Variants in ANO9 observed in about 807,000 individuals in gnomAD.
ANO9 encodes the protein anoctamin 9.
In ANO9, 80 loss-of-function variants were observed where a neutral mutation model predicts 100.5. That is an observed-to-expected ratio of 0.80 (90% confidence interval 0.66 to 0.96). ANO9 has a LOEUF of 0.96. Ranked by LOEUF, ANO9 falls within the 40% of genes least tolerant of loss-of-function variation. The pLI is 0.00. For synonymous variants in ANO9, 473 were observed against 435.6 expected, an observed-to-expected ratio of 1.09 and a Z score of -1.07; for missense variants, 1,064 against 1,072.7, an observed-to-expected ratio of 0.99 and a Z score of 0.11.
rs757626143 is a variant in ANO9, at chr11:418,489, C to T, written c.2231G>A (p.Arg744His). Reference sequence around the variant, plus strand: ...CTGCCTTCCATGCCACATCTTCTCACGCAGCCTCTGGTACTTCACCTCCAG... The same window carrying T: ...CTGCCTTCCATGCCACATCTTCTCATGCAGCCTCTGGTACTTCACCTCCAG... ...KVLEVKYQRLREKMWHGRQRL... is the reference protein window; with the variant it reads ...KVLEVKYQRLHEKMWHGRQRL... The change falls in exon 23 of 23, where the codon CGT (arginine) becomes CAT (histidine). Residue 744 changes from arginine (R) to histidine (H), a missense_variant. Transcript: ENST00000332826. 27 of 1,613,030 alleles carry T rather than the reference C, an allele frequency of 1.7e-5. No individual in the cohort carries two copies. Among genetic ancestry groups the T allele is most frequent in the African/African-American group, 2.7e-5 (2 of 74,928 alleles).
intron 1 of ANO9, among the ~76,000 whole-genome samples, chr11:434,604 C>T (rs945907981): frequency 1.3e-5 from 2 of 152,154 alleles, no homozygotes; most frequent in South Asian, 2.1e-4. Context: ...GAGGTGCAGA[C>T]GAGGGCACTC....
Position 434,694 on chromosome 11 carries a change from G to T in ANO9, c.7-596C>A, listed in dbSNP as rs1027914124. 3.3e-5 allele frequency among the ~76,000 whole-genome samples: 5 copies of T among 152,206 alleles called. No homozygotes were observed. The East Asian group carries it at 5.8e-4, about 18-fold the overall frequency. On this transcript the variant is annotated intron_variant, in intron 1 of 22. Coordinates refer to ENST00000332826, the MANE Select transcript of ANO9 (RefSeq NM_001012302.3). Reference sequence around the variant, plus strand: ...CATCATGCCGCCCCCTCACAGGGAGGATCCTGCAGCAGGCAAGGTGAGTGC... The same window carrying T: ...CATCATGCCGCCCCCTCACAGGGAGTATCCTGCAGCAGGCAAGGTGAGTGC...
In ANO9 at chr11:428,479, G is replaced by A; in HGVS notation, c.1181C>T (p.Thr394Ile). ...LVHYVTIIIM[T>I]KINRCVALKL... ...CTGCCCTGCTCCCGGCCCCACCTTG[G>A]TCATGATGATGATGGTCACATAGTG... Residue 394 changes from threonine to isoleucine, a missense_variant, in exon 13 of 23, where the codon ACC (threonine) becomes ATC (isoleucine). Thr to Ile is a moderately conservative substitution (Grantham distance 89, BLOSUM62 -1). Transcript: ENST00000332826. The A allele has an allele frequency of 6.2e-7, 1 of 1,612,478 alleles. No individual in the cohort carries two copies. The highest frequency in any genetic ancestry group is 8.5e-7 in the Non-Finnish European group (1 of 1,179,794).
chr11:433,356 TG>T lies in ANO9; in HGVS notation c.307del (p.His103ThrfsTer21), dbSNP rs766224216. ...GGTGGTCGGCGCGGCCAGCTCGGCG[TG>T]GGGGGCAGGCCCCTCAGGCTCCAGG... is the stretch of plus-strand genomic sequence containing the variant. ...LLLEPEGPAP[H>X]AELAAPTTIP... is the part of the protein sequence containing the mutation. On this transcript the variant is annotated frameshift_variant, in exon 4 of 23. Transcript: ENST00000332826. LOFTEE classifies it high-confidence loss of function. 1.6e-3 allele frequency: 2,592 copies of T among 1,612,912 alleles called. 6 individuals are homozygous for T. Among genetic ancestry groups the T allele is most frequent in the Non-Finnish European group, 2.0e-3 (2,313 of 1,179,802 alleles).
rs148462393 is a variant in ANO9 at position 421,370 on chromosome 11, GCA to G, written c.1335-174_1335-173del. The G allele has an allele frequency of 0.13, 54,727 of 433,974 alleles. 2 individuals carry two copies. Among genetic ancestry groups the G allele is most frequent in the East Asian group, 0.19 (4,121 of 21,782 alleles). 26.9% of individuals were successfully genotyped at this position (433,974 alleles called of 1,614,324 possible). A position where few individuals can be genotyped will look rare whatever the true frequency, so the allele number is the denominator to read the frequency against. ...ATGAACCGCACCCGCACGTGGGCAC[GCA>G]CACACACACACACACACACAGGGGA... On this transcript the variant is annotated intron_variant, in intron 15 of 22. Coordinates refer to ENST00000332826, the MANE Select transcript of ANO9 (RefSeq NM_001012302.3). This position sits in a 1 kb window ranked among gnomAD's most constrained non-coding sequence, Gnocchi z 6.8.
rs1847953836 is a variant in ANO9, at chr11:418,084, T to G, written c.*287A>C. ...GGGAGGCCCAGGAAATTTGCGCCAG[T>G]TTTCCTGCCTTGTGGCTGCCTGAGG... On this transcript the variant is annotated 3_prime_UTR_variant, in exon 23 of 23. Coordinates refer to ENST00000332826, the MANE Select transcript of ANO9 (RefSeq NM_001012302.3). 2 of 392,790 alleles carry G rather than the reference T, an allele frequency of 5.1e-6. 1 individual carries two copies. The highest frequency in any genetic ancestry group is 1.4e-3 in the Middle Eastern group (2 of 1,474). 24.3% of individuals were successfully genotyped at this position (392,790 alleles called of 1,614,324 possible).
chr11:428,749 G>C lies in ANO9; in HGVS notation c.993C>G (p.Thr331=), dbSNP rs114920213. The C allele has an allele frequency of 8.1e-6, 13 of 1,613,374 alleles. No individual in the cohort carries two copies. The South Asian group carries it at 1.1e-4, about 14-fold the overall frequency. The change falls in exon 12 of 23, where the codon ACC becomes ACG. Residue 331 remains threonine (T), a synonymous_variant. Transcript: ENST00000332826. ...RPYQHSYLRS[T]VILVLTLLMI... ...TGAGCAGGGTCAGGACGAGGATGAC[G>C]GTGCTGCGTAGGTAGGAGTGCTGGT...
intron 19 of ANO9, 31 bp downstream of exon 19, chr11:420,432 T>G: frequency 6.3e-7 from 1 of 1,595,204 alleles, no homozygotes; most frequent in Non-Finnish European, 8.5e-7. Context: ...GCCGCCCAGT[T>G]CCCGCCCATC....
chr11:427,059 C>T lies in ANO9; in HGVS notation c.1334+1029G>A, dbSNP rs183857855. ...AGGAGAGACGTGGCCCACAGCAAGC[C>T]ATGGTGCACGCCTTTCCCAAGACGG... On this transcript the variant is annotated intron_variant, in intron 15 of 22. Coordinates refer to ENST00000332826, the MANE Select transcript of ANO9 (RefSeq NM_001012302.3). 3.2e-4 allele frequency among the ~76,000 whole-genome samples: 48 copies of T among 152,348 alleles called. No homozygotes were observed. The East Asian group carries it at 6.4e-3, about 20-fold the overall frequency.
rs770497733 is a variant in ANO9, at chr11:428,358, C to T, written c.1222G>A (p.Glu408Lys). The T allele has an allele frequency of 3.2e-5, 52 of 1,612,404 alleles. No individual in the cohort carries two copies. Among genetic ancestry groups the T allele is most frequent in the South Asian group, 1.3e-4 (12 of 91,070 alleles). Residue 408 changes from glutamate to lysine, a missense_variant and splice_region_variant, in exon 14 of 23, where the codon GAG becomes AAG. Coordinates refer to ENST00000332826, the MANE Select transcript of ANO9 (RefSeq NM_001012302.3). ...RCVALKLCDF[E>K]MPRTFSERES... ...AGAGGGTCTGGGGTAGTCCTCTCACCGAAGTCACAAAGCTTCAGGGCCACG... is the reference window on the plus strand; with the variant it reads ...AGAGGGTCTGGGGTAGTCCTCTCACTGAAGTCACAAAGCTTCAGGGCCACG...
rs934419833 is a variant in ANO9, at chr11:421,739, A to G, written c.1335-541T>C. ...AGTGGCCTCGGTTTCTCCCCGTGGA[A>G]ACGGCACGATGGGTTATTTTGTGTT... is the stretch of plus-strand genomic sequence containing the variant. On this transcript the variant is annotated intron_variant, in intron 15 of 22. Transcript: ENST00000332826. This position sits in a 1 kb window ranked among gnomAD's most constrained non-coding sequence, Gnocchi z 6.8. Among the ~76,000 whole-genome samples the G allele has an allele frequency of 1.3e-5, 2 of 152,226 alleles. No individual in the cohort carries two copies. Among genetic ancestry groups the G allele is most frequent in the Admixed American group, 6.5e-5 (1 of 15,286 alleles).
chr11:428,324 G>A (rs1190565994), intron 14 of ANO9, 34 bp downstream of exon 14: 1 of 1,611,898 alleles, frequency 6.2e-7, no homozygotes, highest in African/African-American at 1.3e-5. Context: ...CCTCCCGCCG[G>A]GTCCCCCAAG....
At chr11:433,158 C>T (rs939690077) in intron 4 of ANO9, 156 bp downstream of exon 4, 134 of 975,798 alleles carry the variant, frequency 1.4e-4, no homozygotes, top group Non-Finnish European at 1.9e-4. Flanking sequence ...GCTCACACAG[C>T]CAGTGGGTCT....
chr11:418,923 A>G lies in ANO9; in HGVS notation c.2001T>C (p.Asp667=), dbSNP rs764356229. The G allele has an allele frequency of 7.4e-6, 12 of 1,613,476 alleles. No homozygotes were observed. Among genetic ancestry groups the G allele is most frequent in the Non-Finnish European group, 1.0e-5 (12 of 1,179,980 alleles). ...TCACGTTTTCTGAGCCCTCAATCCC[A>G]TCAGGGTCCTGGAAGTCCTTGGTGT... ...VFHTKDFQDP[D]GIEGSENVTL... is the part of the protein sequence containing the mutation. The change falls in exon 21 of 23, where the codon GAT becomes GAC. Residue 667 remains aspartate, a synonymous_variant. Transcript: ENST00000332826.
Position 433,474 on chromosome 11 carries a change from G to T in ANO9, c.205-15C>A, listed in dbSNP as rs1286929056. The T allele has an allele frequency of 3.1e-6, 5 of 1,610,508 alleles. No homozygotes were observed. Among genetic ancestry groups the T allele is most frequent in the Admixed American group, 1.7e-5 (1 of 59,868 alleles). Reference sequence around the variant, plus strand: ...TCCCGGATCACCTGGGGGCACATGGGATCCTCTATCCCACCTCAGAACCCT... The same window carrying T: ...TCCCGGATCACCTGGGGGCACATGGTATCCTCTATCCCACCTCAGAACCCT... On this transcript the variant is annotated splice_polypyrimidine_tract_variant and intron_variant, in intron 3 of 22. Transcript: ENST00000332826.
intron 1 of ANO9, 77 bp downstream of exon 1, chr11:441,844 G>T (rs536007075): frequency 1.3e-6 from 2 of 1,553,628 alleles, no homozygotes; most frequent in Non-Finnish European, 1.7e-6. Flanking sequence ...GCTGGCGGGG[G>T]GCTGGGGCCG....
chr11:433,533 TCTATTCCACCTCAGAACCCTC>T, intron 3 of ANO9, 74 bp from the exon 4 acceptor site: 2 of 1,464,016 alleles, frequency 1.4e-6, no homozygotes, highest in Non-Finnish European at 1.8e-6. Flanking sequence ...CCCTCCCCCC[TCTATTCCACCTCAGAACCCTC>T]CCCCCTCTAT....
intron 15 of ANO9, among the ~76,000 whole-genome samples, chr11:424,526 G>A (rs897221478): frequency 6.6e-6 from 1 of 152,194 alleles, no homozygotes; most frequent in African/African-American, 2.4e-5. Context: ...GTTAATGATA[G>A]AATGTGTGAG....
intron 1 of ANO9, among the ~76,000 whole-genome samples, chr11:435,309 G>A (rs1287259619): frequency 1.3e-5 from 2 of 152,004 alleles, no homozygotes; most frequent in Non-Finnish European, 2.9e-5. Flanking sequence ...GCATAGCATA[G>A]TATAGGGTAG....
Sources: gnomAD v4.1 joint callset for allele counts (sites outside exome capture counted in the v4.1 genomes callset) on GRCh38, gnomAD v4.1.1 for gene constraint, Gnocchi (gnomAD v3.1) non-coding constraint, MANE v1.5 for transcripts, NCBI Gene and HGNC (gene_info 2026-07-23, HGNC 2026-07-21) for gene names.